Variants in MTA3 observed in about 807,000 individuals in gnomAD.
MTA3 encodes metastasis-associated protein MTA3.
A neutral mutation model predicts 83.5 loss-of-function variants in MTA3; 34 were observed. That is an observed-to-expected ratio of 0.41 (90% confidence interval 0.31 to 0.54). The LOEUF is 0.54. MTA3 is among the 20% of genes least tolerant of loss of function. The probability of loss-of-function intolerance (pLI) is 0.33; values close to 1 mark genes in which losing one functional copy is unlikely to be tolerated. For missense variants in MTA3, 761 were observed against 726.4 expected (o/e 1.05, Z -0.55); for synonymous variants, 303 against 252.7 (o/e 1.20, Z -1.89).
intron 1 of MTA3, chr2:42,495,122 GA>G (rs1443833675): frequency 8.5e-5 from 13 of 152,678 alleles, no homozygotes; most frequent in African/African-American, 3.1e-4. Flanking sequence ...TGGTTAAAGG[GA>G]AGAGTTTTTC....
At chr2:42,660,550 C>G (rs908636078) in intron 8 of MTA3, among the ~76,000 whole-genome samples, 2 of 152,178 alleles carry the variant, frequency 1.3e-5, no homozygotes, top group African/African-American at 4.8e-5. Context: ...ACTGCTTTCT[C>G]TGCACTCCAG....
intron 4 of MTA3, among the ~76,000 whole-genome samples, chr2:42,628,610 G>C (rs562415485): frequency 6.6e-6 from 1 of 152,146 alleles, no homozygotes; most frequent in African/African-American, 2.4e-5. Flanking sequence ...TCATTATTCT[G>C]TTGAGACTGA....
At chr2:42,620,720 C>G (rs148732000) in intron 4 of MTA3, among the ~76,000 whole-genome samples, 2 of 152,116 alleles carry the variant, frequency 1.3e-5, no homozygotes, top group Non-Finnish European at 2.9e-5. Flanking sequence ...TCTTAAACTT[C>G]TGGGTTCAAA....
chr2:42,647,860 T>G (rs1213489012), intron 6 of MTA3, among the ~76,000 whole-genome samples: 1 of 152,058 alleles, frequency 6.6e-6, no homozygotes, highest in East Asian at 1.9e-4. Flanking sequence ...TTTTTTGAAA[T>G]GGAGTTTCGC....
At chr2:42,560,476 C>T (rs568040676) in intron 2 of MTA3, among the ~76,000 whole-genome samples, 12 of 149,946 alleles carry the variant, frequency 8.0e-5, no homozygotes, top group South Asian at 2.1e-4. Flanking sequence ...GGCTTGAACC[C>T]GAGAGGCAGA....
Position 42,652,462 on chromosome 2 carries a change from C to G in MTA3, c.500-3738C>G, listed in dbSNP as rs537963860. Among the ~76,000 whole-genome samples the G allele has an allele frequency of 1.2e-4, 19 of 152,090 alleles. No individual in the cohort carries two copies. The South Asian group carries it at 1.7e-3, about 13-fold the overall frequency. The stretch of plus-strand genomic sequence containing the variant: ...TCAGAATAGCCATCTGGAAATATAC[C>G]GAAGAAGTATATTTTGAGGTGAAAT... On this transcript the variant is annotated intron_variant, in intron 6 of 16. Coordinates refer to ENST00000405094, the MANE Select transcript of MTA3 (RefSeq NM_001330442.2).
At chr2:42,681,840 A>G (rs1473704955) in intron 8 of MTA3, among the ~76,000 whole-genome samples, 2 of 151,802 alleles carry the variant, frequency 1.3e-5, no homozygotes, top group Non-Finnish European at 2.9e-5. Flanking sequence ...ACAGTGAGCT[A>G]TGACCATGCC....
chr2:42,583,635 T>A (rs1370759708), intron 3 of MTA3, among the ~76,000 whole-genome samples: 1 of 151,714 alleles, frequency 6.6e-6, no homozygotes, highest in East Asian at 1.9e-4. Context: ...TTCAAGCAAT[T>A]CTCATGCCTC....
At position 42,755,762 on chromosome 2, in the gene MTA3, C is replaced by T; in HGVS notation, c.*2363C>T. 4 of 985,564 alleles carry T rather than the reference C, an allele frequency of 4.1e-6. No individual in the cohort carries two copies. The highest frequency in any genetic ancestry group is 4.8e-6 in the Non-Finnish European group (4 of 830,058). The allele number at this position is 985,564 out of a possible 1,614,324, so 61.1% of individuals were successfully genotyped here. A position where few individuals can be genotyped will look rare whatever the true frequency, so the allele number is the denominator to read the frequency against. ...TGGTGTCCCTGCTGTGTGTCAGTGGCATGTCACTGTGGTTCAGTGAGCACA... is the reference window on the plus strand; with the variant it reads ...TGGTGTCCCTGCTGTGTGTCAGTGGTATGTCACTGTGGTTCAGTGAGCACA... On this transcript the variant is annotated 3_prime_UTR_variant, in exon 17 of 17. Transcript: ENST00000405094.
chr2:42,709,274 A>T (rs1666396060), intron 14 of MTA3, 178 bp downstream of exon 14: 1 of 1,353,546 alleles, frequency 7.4e-7, no homozygotes, highest in African/African-American at 2.5e-5. Context: ...TATCATGCCA[A>T]CCTGGAAAAA....
intron 4 of MTA3, among the ~76,000 whole-genome samples, chr2:42,639,784 C>G (rs1226849529): frequency 6.6e-6 from 1 of 152,128 alleles, no homozygotes; most frequent in Non-Finnish European, 1.5e-5. Flanking sequence ...GTGGTGGTGT[C>G]TTTGTCTGAA....
intron 5 of MTA3, among the ~76,000 whole-genome samples, chr2:42,643,823 A>T (rs1687917309): frequency 1.3e-5 from 2 of 152,124 alleles, no homozygotes; most frequent in Admixed American, 1.3e-4. Context: ...TTATGGTTTA[A>T]TTTTGCTAGC....
intron 4 of MTA3, among the ~76,000 whole-genome samples, chr2:42,618,103 C>G (rs1685125025): frequency 6.6e-6 from 1 of 152,002 alleles, no homozygotes; most frequent in African/African-American, 2.4e-5. Flanking sequence ...CACTACCATA[C>G]CTGGGTAATG....
At chr2:42,523,991 A>G (rs960505437) in intron 2 of MTA3, among the ~76,000 whole-genome samples, 3 of 152,132 alleles carry the variant, frequency 2.0e-5, no homozygotes, top group African/African-American at 7.2e-5. Context: ...AAAAAGAAAA[A>G]AAACCAGTAA....
chr2:42,741,260 A>G (rs946188892), intron 16 of MTA3, among the ~76,000 whole-genome samples: 1 of 152,166 alleles, frequency 6.6e-6, no homozygotes. Flanking sequence ...GGGTTAAGGG[A>G]ATGTTGTTGC....
chr2:42,732,995 G>A (rs1055743692), intron 16 of MTA3, among the ~76,000 whole-genome samples: 3 of 152,286 alleles, frequency 2.0e-5, no homozygotes, highest in African/African-American at 7.2e-5. Context: ...TCTGTAGGAA[G>A]TTCCAAACTT....
chr2:42,639,104 G>A (rs868719564), intron 4 of MTA3, among the ~76,000 whole-genome samples: 3 of 147,258 alleles, frequency 2.0e-5, no homozygotes, highest in South Asian at 2.2e-4. Flanking sequence ...TCTGTCGCCC[G>A]GGCTGGAGTG....
intron 3 of MTA3, among the ~76,000 whole-genome samples, chr2:42,606,421 G>A (rs993546019): frequency 6.6e-6 from 1 of 151,494 alleles, no homozygotes; most frequent in Non-Finnish European, 1.5e-5. Flanking sequence ...CCTCCCAGAC[G>A]GGGCGGCGGG....
In MTA3 at chr2:42,752,368, G is replaced by C. The variant is rs1009264573; in HGVS notation, c.1760-1006G>C. 1.8e-5 allele frequency: 8 copies of C among 448,116 alleles called. 1 individual carries two copies. The East Asian group carries it at 2.1e-4, about 12-fold the overall frequency. 27.8% of individuals were successfully genotyped at this position (448,116 alleles called of 1,614,324 possible). On this transcript the variant is annotated intron_variant, in intron 16 of 16. Transcript: ENST00000405094. ...GATGTGCCTGGGGCAGAGAATATCTGAGCATCTTATCCCTTCTCAGCAAAC... is the reference window on the plus strand; with the variant it reads ...GATGTGCCTGGGGCAGAGAATATCTCAGCATCTTATCCCTTCTCAGCAAAC...
Sources: gnomAD v4.1 joint callset for allele counts (sites outside exome capture counted in the v4.1 genomes callset) on GRCh38, gnomAD v4.1.1 for gene constraint, MANE v1.5 for transcripts, NCBI Gene and HGNC (gene_info 2026-07-23, HGNC 2026-07-21) for gene names.